Variants in PDAP1 observed in about 807,000 individuals in gnomAD.
The protein encoded by PDAP1 is 28 kDa heat- and acid-stable phosphoprotein.
In PDAP1, 13 loss-of-function variants were observed where a neutral mutation model predicts 28.0. That is an observed-to-expected ratio of 0.46 (90% CI 0.30 to 0.74). The LOEUF is 0.74. PDAP1 is among the 30% of genes least tolerant of loss of function. PDAP1 has a pLI of 0.07. For missense variants in PDAP1, 150 were observed against 230.0 expected, an observed-to-expected ratio of 0.65 and a Z score of 2.25; for synonymous variants, 77 against 85.1, an observed-to-expected ratio of 0.91 and a Z score of 0.52.
At chr7:99,404,188 T>C (rs1794928592) in intron 2 of PDAP1, among the ~76,000 whole-genome samples, 1 of 152,114 alleles carries the variant, frequency 6.6e-6, no homozygotes, top group Non-Finnish European at 1.5e-5. Context: ...GCCTTTCCCT[T>C]CTTGAGACTC....
At chr7:99,408,270 G>A (rs1795024306) in intron 1 of PDAP1, among the ~76,000 whole-genome samples, 1 of 151,970 alleles carries the variant, frequency 6.6e-6, no homozygotes, top group Non-Finnish European at 1.5e-5. Context: ...ACCCGGAGAA[G>A]CGCATCCTAG....
rs1312799015 is a variant in PDAP1 at position 99,398,656 on chromosome 7, A to G, written c.336-643T>C. On this transcript the variant is annotated intron_variant, in intron 4 of 5. Coordinates refer to ENST00000350498, the MANE Select transcript of PDAP1 (RefSeq NM_014891.7). ...AAGTTCAAGGCTGCAGTGAGCTACA[A>G]TTGCACCACTGCACTCCAGCCTGGG... Among the ~76,000 whole-genome samples, 6 of 152,188 alleles carry G rather than the reference A, an allele frequency of 3.9e-5. No homozygotes were observed. The South Asian group carries it at 6.2e-4, about 16-fold the overall frequency.
intron 4 of PDAP1, among the ~76,000 whole-genome samples, chr7:99,398,792 C>T (rs547326183): frequency 6.6e-6 from 1 of 152,296 alleles, no homozygotes; most frequent in Admixed American, 6.5e-5. Flanking sequence ...ACAGACACAC[C>T]CAGTCTCAGG....
chr7:99,398,323 A>G (rs1794803682), intron 4 of PDAP1, among the ~76,000 whole-genome samples: 1 of 152,206 alleles, frequency 6.6e-6, no homozygotes, highest in South Asian at 2.1e-4. Flanking sequence ...GCGGCCATGG[A>G]GAGAAGGGGG....
intron 5 of PDAP1, 104 bp from the exon 6 acceptor site, chr7:99,396,844 A>G (rs1044006449): frequency 1.3e-5 from 12 of 890,452 alleles, no homozygotes; most frequent in African/African-American, 1.7e-5. Flanking sequence ...GGCTGCAGAA[A>G]ACATTCTGTG....
rs115491475 is a variant in PDAP1, at chr7:99,407,553, T to A, written c.13+983A>T. 3.4e-3 allele frequency among the ~76,000 whole-genome samples: 525 copies of A among 152,342 alleles called. 4 individuals carry two copies. The highest frequency in any genetic ancestry group is 0.012 in the African/African-American group (497 of 41,578). Reference sequence around the variant, plus strand: ...TCTGTGGGTTGAGTGCATTAACCAATATAACACATGAGCTACCAACACAAA... The same window carrying A: ...TCTGTGGGTTGAGTGCATTAACCAAAATAACACATGAGCTACCAACACAAA... On this transcript the variant is annotated intron_variant, in intron 1 of 5. Coordinates refer to ENST00000350498, the MANE Select transcript of PDAP1 (RefSeq NM_014891.7).
chr7:99,403,822 G>C (rs976957151), intron 2 of PDAP1, among the ~76,000 whole-genome samples: 7 of 152,136 alleles, frequency 4.6e-5, no homozygotes, highest in Non-Finnish European at 8.8e-5. Context: ...CTTGTTTCCT[G>C]GGGTCAGAAG....
chr7:99,404,751 C>T (rs771490681), intron 2 of PDAP1, 111 bp downstream of exon 2: 49 of 753,154 alleles, frequency 6.5e-5, no homozygotes, highest in Admixed American at 4.9e-4. Context: ...CCGACCCCCA[C>T]GTGCTGGCTT....
rs1485805473 is a variant in PDAP1 at position 99,396,747 on chromosome 7, G to A, written c.488-7C>T. The A allele has an allele frequency of 1.2e-6, 2 of 1,611,124 alleles. No homozygotes were observed. Among genetic ancestry groups the A allele is most frequent in the Non-Finnish European group, 1.7e-6 (2 of 1,178,588 alleles). ...AATGTGGCATCGTCTTTTGCTGAGG[G>A]GTGGGAGAAGGGCAGGGGTTAAAAC... is the stretch of plus-strand genomic sequence containing the variant. On this transcript the variant is annotated splice_region_variant and splice_polypyrimidine_tract_variant and intron_variant, in intron 5 of 5. Coordinates refer to ENST00000350498, the MANE Select transcript of PDAP1 (RefSeq NM_014891.7).
At position 99,404,844 on chromosome 7, in the gene PDAP1, G is replaced by T; in HGVS notation, c.105+18C>A. Reference sequence around the variant, plus strand: ...CCACCCTGGGCCACTGGCGTGGCCTGGACAGGCACGTACTCACCCTGGCCT... The same window carrying T: ...CCACCCTGGGCCACTGGCGTGGCCTTGACAGGCACGTACTCACCCTGGCCT... On this transcript the variant is annotated intron_variant, in intron 2 of 5. Transcript: ENST00000350498. 1 of 1,603,660 alleles carries T rather than the reference G, an allele frequency of 6.2e-7. No individual in the cohort carries two copies. Among genetic ancestry groups the T allele is most frequent in the South Asian group, 1.1e-5 (1 of 90,802 alleles).
intron 3 of PDAP1, among the ~76,000 whole-genome samples, chr7:99,400,668 G>C (rs1049577172): frequency 6.6e-6 from 1 of 152,230 alleles, no homozygotes; most frequent in African/African-American, 2.4e-5. Context: ...CCAGGAAGTA[G>C]GTGGTAGATG....
Position 99,396,647 on chromosome 7 carries a change from C to T in PDAP1, c.*35G>A, listed in dbSNP as rs770789061. The T allele has an allele frequency of 6.3e-7, 1 of 1,581,230 alleles. No individual in the cohort carries two copies. Among genetic ancestry groups the T allele is most frequent in the African/African-American group, 1.3e-5 (1 of 74,210 alleles). ...CACAGCAGAGGTCCTGGCAGCGCGG[C>T]CCAGGTCCCCGGCATCTCCTCCCAC... On this transcript the variant is annotated 3_prime_UTR_variant, in exon 6 of 6. Coordinates refer to ENST00000350498, the MANE Select transcript of PDAP1 (RefSeq NM_014891.7).
In PDAP1 at chr7:99,395,782, TGGCTAAAGGAGG is replaced by T. The variant is rs1292137382; in HGVS notation, c.*888_*899del. 2 of 152,310 alleles carry T rather than the reference TGGCTAAAGGAGG, an allele frequency of 1.3e-5. No individual in the cohort carries two copies. Among genetic ancestry groups the T allele is most frequent in the Non-Finnish European group, 2.9e-5 (2 of 68,136 alleles). The allele number at this position is 152,310 out of a possible 1,614,324, so 9.4% of individuals were successfully genotyped here. ...CCTGCTGAGGCCTAAGATCCTGACT[TGGCTAAAGGAGG>T]GGAGGGGGCAGGCTGTGGTATCTAG... On this transcript the variant is annotated 3_prime_UTR_variant, in exon 6 of 6. Transcript: ENST00000350498.
In PDAP1 at chr7:99,396,759, G is replaced by A. The variant is rs1461677840; in HGVS notation, c.488-19C>T. ...TCTTTTGCTGAGGGGTGGGAGAAGGGCAGGGGTTAAAACAAAGCAACCCCC... is the reference window on the plus strand; with the variant it reads ...TCTTTTGCTGAGGGGTGGGAGAAGGACAGGGGTTAAAACAAAGCAACCCCC... On this transcript the variant is annotated intron_variant, in intron 5 of 5. Coordinates refer to ENST00000350498, the MANE Select transcript of PDAP1 (RefSeq NM_014891.7). 1 of 1,608,354 alleles carries A rather than the reference G, an allele frequency of 6.2e-7. No individual in the cohort carries two copies. Among genetic ancestry groups the A allele is most frequent in the Non-Finnish European group, 8.5e-7 (1 of 1,176,080 alleles).
intron 1 of PDAP1, among the ~76,000 whole-genome samples, chr7:99,405,563 T>C (rs1470484100): frequency 2.6e-5 from 4 of 152,054 alleles, no homozygotes; most frequent in African/African-American, 4.8e-5. Flanking sequence ...TTTAACCATG[T>C]TGGTTGGCTA....
intron 1 of PDAP1, among the ~76,000 whole-genome samples, chr7:99,405,415 AG>A (rs1794955067): frequency 6.8e-6 from 1 of 146,666 alleles, no homozygotes; most frequent in South Asian, 2.1e-4. Context: ...GCTGGAGTGC[AG>A]TGGCGCAATC....
intron 4 of PDAP1, among the ~76,000 whole-genome samples, chr7:99,399,122 G>A (rs1032414668): frequency 7.2e-5 from 11 of 152,204 alleles, no homozygotes; most frequent in South Asian, 2.1e-4. Context: ...AGAGAGACTC[G>A]GCCTCCCAGA....
At chr7:99,407,668 G>A (rs968460937) in intron 1 of PDAP1, among the ~76,000 whole-genome samples, 2 of 152,166 alleles carry the variant, frequency 1.3e-5, no homozygotes, top group Non-Finnish European at 2.9e-5. Context: ...CTAAGGATTA[G>A]CCCAGTGTTT....
Position 99,408,529 on chromosome 7 carries a change from C to G in PDAP1, c.13+7G>C. The G allele has an allele frequency of 1.5e-6, 2 of 1,313,438 alleles. No homozygotes were observed. Among genetic ancestry groups the G allele is most frequent in the South Asian group, 2.0e-5 (1 of 48,798 alleles). 81.4% of individuals were successfully genotyped at this position (1,313,438 alleles called of 1,614,324 possible). ...AGGCCTGCGGGCCACCGGCGCCCGC[C>G]CCTCACCTCCTTTAGGCATTGCGGC... On this transcript the variant is annotated splice_region_variant and intron_variant, in intron 1 of 5. Coordinates refer to ENST00000350498, the MANE Select transcript of PDAP1 (RefSeq NM_014891.7).
Sources: allele counts gnomAD v4.1 joint callset (sites outside exome capture counted in the v4.1 genomes callset), GRCh38; gene constraint gnomAD v4.1.1; transcripts MANE v1.5; gene names NCBI Gene and HGNC (gene_info 2026-07-23, HGNC 2026-07-21).